The following NYAP2 variants were observed in gnomAD, a reference collection of about 807,000 sequenced individuals.
NYAP2 encodes the protein neuronal tyrosine-phosphorylated phosphoinositide-3-kinase adapter 2.
A neutral mutation model predicts 50.4 loss-of-function variants in NYAP2; 23 were observed. The ratio of observed to expected loss-of-function variants is 0.46; its 90% CI spans 0.33 to 0.65. NYAP2 has a LOEUF of 0.65. Ranked by LOEUF, NYAP2 falls within the 30% of genes least tolerant of loss-of-function variation. The pLI is 0.02. For missense variants in NYAP2, 885 were observed against 861.0 expected (o/e 1.03, Z -0.35); for synonymous variants, 394 against 365.2 (o/e 1.08, Z -0.90).
At chr2:225,411,666 C>T (rs1339274364) in intron 3 of NYAP2, among the ~76,000 whole-genome samples, 1 of 151,496 alleles carries the variant, frequency 6.6e-6, no homozygotes, top group African/African-American at 2.4e-5. Flanking sequence ...ATGATAGGAA[C>T]AGTGGAAGAA....
At chr2:225,597,665 G>A (rs1470843807) in intron 5 of NYAP2, among the ~76,000 whole-genome samples, 2 of 150,208 alleles carry the variant, frequency 1.3e-5, no homozygotes, top group Admixed American at 6.7e-5. Context: ...TTTTCCTCTG[G>A]GTAGGTACCC....
intron 4 of NYAP2, among the ~76,000 whole-genome samples, chr2:225,533,375 T>C (rs1482151146): frequency 6.6e-6 from 1 of 152,150 alleles, no homozygotes; most frequent in Non-Finnish European, 1.5e-5. Flanking sequence ...CTGTGTGATA[T>C]AAGAGCTGGG....
At chr2:225,512,263 C>A (rs1260516922) in intron 3 of NYAP2, among the ~76,000 whole-genome samples, 1 of 152,132 alleles carries the variant, frequency 6.6e-6, no homozygotes, top group Middle Eastern at 3.2e-3. Context: ...AATTTGGAAA[C>A]TTTGCATACA....
chr2:225,610,569 G>A (rs1379581241), intron 5 of NYAP2, among the ~76,000 whole-genome samples: 1 of 152,108 alleles, frequency 6.6e-6, no homozygotes, highest in African/African-American at 2.4e-5. Context: ...GTAAATACAT[G>A]TAAATAATTG....
chr2:225,680,819 T>C, the NYAP2 span, among the ~76,000 whole-genome samples: 5 of 152,192 alleles, frequency 3.3e-5, no homozygotes, highest in Admixed American at 6.5e-5. Flanking sequence ...TCTCACCACT[T>C]ACGTTGCAGG....
chr2:225,529,420 A>T (rs1382323436), intron 4 of NYAP2, among the ~76,000 whole-genome samples: 3 of 151,404 alleles, frequency 2.0e-5, no homozygotes, highest in Admixed American at 2.0e-4. Flanking sequence ...TCTGCCTCCC[A>T]GGTTGAAGCC....
At position 225,444,529 on chromosome 2, in the gene NYAP2, GAC is replaced by G. The variant is rs1249515805; in HGVS notation, c.221+35432_221+35433del. On this transcript the variant is annotated intron_variant, in intron 3 of 6. Coordinates refer to ENST00000636099, the Ensembl canonical transcript of NYAP2. ...ACATTCACACCACACACACAGACGT[GAC>G]ACAGTAATATAAAATGTAGAAATCA... Among the ~76,000 whole-genome samples, 5 of 152,218 alleles carry G rather than the reference GAC, an allele frequency of 3.3e-5. No individual in the cohort carries two copies. In the East Asian group the frequency reaches 9.6e-4, roughly 29 times the overall value.
chr2:225,580,669 T>A (rs1187913173), intron 4 of NYAP2, among the ~76,000 whole-genome samples: 1 of 152,182 alleles, frequency 6.6e-6, no homozygotes, highest in African/African-American at 2.4e-5. Flanking sequence ...TGCTGAAGTC[T>A]CAGTTGATGG....
At chr2:225,507,169 A>T (rs568987216) in intron 3 of NYAP2, among the ~76,000 whole-genome samples, 1 of 152,272 alleles carries the variant, frequency 6.6e-6, no homozygotes, top group South Asian at 2.1e-4. Context: ...AGTCTACATC[A>T]TTGTCATCAT....
chr2:225,489,841 T>C (rs1690373205), intron 3 of NYAP2, among the ~76,000 whole-genome samples: 1 of 152,108 alleles, frequency 6.6e-6, no homozygotes, highest in African/African-American at 2.4e-5. Flanking sequence ...GATCAAATAA[T>C]AGATATCTGT....
At chr2:225,695,432 C>T in the NYAP2 span, among the ~76,000 whole-genome samples, 3,963 of 151,490 alleles carry the variant, frequency 0.026, 181 homozygotes, top group African/African-American at 0.091. Context: ...ATGTATAGAA[C>T]CCATAGTATT....
At chr2:225,401,971 A>G (rs1188795348) in intron 2 of NYAP2, among the ~76,000 whole-genome samples, 1 of 151,994 alleles carries the variant, frequency 6.6e-6, no homozygotes, top group South Asian at 2.1e-4. Flanking sequence ...GTGAAAATTA[A>G]CTCTCTTCCT....
the NYAP2 span, among the ~76,000 whole-genome samples, chr2:225,694,316 T>C: frequency 6.6e-6 from 1 of 151,840 alleles, no homozygotes; most frequent in Non-Finnish European, 1.5e-5. Flanking sequence ...TTTTTTCTTT[T>C]AAGAATATGA....
At chr2:225,412,534 TG>T (rs962928852) in intron 3 of NYAP2, among the ~76,000 whole-genome samples, 9 of 151,894 alleles carry the variant, frequency 5.9e-5, no homozygotes, top group African/African-American at 2.2e-4. Context: ...GACTAAAAAC[TG>T]GCATGAAAAG....
chr2:225,399,407 A>T (rs1415903096), upstream of NYAP2, among the ~76,000 whole-genome samples: 2 of 152,052 alleles, frequency 1.3e-5, no homozygotes, highest in Non-Finnish European at 2.9e-5. Flanking sequence ...TATTCAGTAG[A>T]GTATTAAGAA....
At chr2:225,589,328 GT>G (rs11319773) in intron 5 of NYAP2, among the ~76,000 whole-genome samples, 135,002 of 143,926 alleles carry the variant, frequency 0.94, 63,361 homozygotes, top group Middle Eastern at 0.96. Flanking sequence ...ATAAATGTTA[GT>G]TTTTTTTTTT....
At chr2:225,539,008 C>CT (rs932942675) in intron 4 of NYAP2, among the ~76,000 whole-genome samples, 1 of 151,928 alleles carries the variant, frequency 6.6e-6, no homozygotes, top group African/African-American at 2.4e-5. Flanking sequence ...CCTTCACCTC[C>CT]TGACAGGCCC....
At chr2:225,421,728 G>A (rs1406446426) in intron 3 of NYAP2, among the ~76,000 whole-genome samples, 2 of 152,218 alleles carry the variant, frequency 1.3e-5, no homozygotes, top group African/African-American at 2.4e-5. Context: ...TCTGGATAAT[G>A]AAGCAAAGGG....
At chr2:225,522,327 A>G (rs977423814) in intron 4 of NYAP2, among the ~76,000 whole-genome samples, 24 of 152,110 alleles carry the variant, frequency 1.6e-4, no homozygotes, top group African/African-American at 5.8e-4. Flanking sequence ...TCTCTTTACA[A>G]AGCCATCAAG....
Sources: allele counts gnomAD v4.1 joint callset (sites outside exome capture counted in the v4.1 genomes callset), GRCh38; gene constraint gnomAD v4.1.1; transcripts MANE v1.5; gene names NCBI Gene and HGNC (gene_info 2026-07-23, HGNC 2026-07-21).